PRKCZ: variants seen among roughly 807,000 people sequenced by gnomAD.
PRKCZ encodes protein kinase C zeta type.
In PRKCZ, 33 loss-of-function variants were observed where a neutral mutation model predicts 79.5. The ratio of observed to expected loss-of-function variants is 0.41; its 90% CI spans 0.31 to 0.55. The LOEUF (loss-of-function observed/expected upper bound fraction) is 0.55, where lower values mean the gene tolerates loss of function less well. PRKCZ is among the 20% of genes least tolerant of loss of function. The pLI, the probability that PRKCZ is intolerant of heterozygous loss-of-function variation, is 0.19. For missense variants in PRKCZ, 578 were observed against 813.5 expected (o/e 0.71, Z 3.52); for synonymous variants, 342 against 320.9 (o/e 1.07, Z -0.70).
intron 7 of PRKCZ, among the ~76,000 whole-genome samples, chr1:2,147,920 A>G: frequency 6.7e-6 from 1 of 150,066 alleles, no homozygotes. Context: ...TCTGTTGTCC[A>G]CTGACCTCTC....
chr1:2,119,773 T>C (rs1671475396), intron 4 of PRKCZ, among the ~76,000 whole-genome samples: 1 of 147,412 alleles, frequency 6.8e-6, no homozygotes, highest in African/African-American at 2.6e-5. Flanking sequence ...TTAATTCTTT[T>C]TATTTCTTTT....
intron 11 of PRKCZ, among the ~76,000 whole-genome samples, chr1:2,170,222 A>G (rs1469203585): frequency 6.6e-6 from 1 of 151,910 alleles, no homozygotes; most frequent in Non-Finnish European, 1.5e-5. Context: ...TTCATCTCTG[A>G]TATCTTCGGG....
rs1052588341 is a variant in PRKCZ at position 2,128,965 on chromosome 1, G to A, written c.335-6297G>A. Among the ~76,000 whole-genome samples the A allele has an allele frequency of 3.9e-5, 6 of 152,036 alleles. No homozygotes were observed. Among genetic ancestry groups the A allele is most frequent in the African/African-American group, 1.2e-4 (5 of 41,412 alleles). On this transcript the variant is annotated intron_variant, in intron 4 of 17. Transcript: ENST00000378567. The surrounding 1 kb of genome is among the most constrained non-coding windows in gnomAD (Gnocchi z 6.5). ...AGGGCTCCCTTCTCCTTTTCACAGC[G>A]CTGTCTGTCGCTTAGGTCAGAAATA...
rs1291343347 is a variant in PRKCZ, at chr1:2,127,422, G to A, written c.335-7840G>A. 2.5e-5 allele frequency among the ~76,000 whole-genome samples: 3 copies of A among 121,056 alleles called. No homozygotes were observed. Among genetic ancestry groups the A allele is most frequent in the Admixed American group, 8.6e-5 (1 of 11,652 alleles). 79.4% of individuals were successfully genotyped at this position (121,056 alleles called of 152,430 possible). On this transcript the variant is annotated intron_variant, in intron 4 of 17. Coordinates refer to ENST00000378567, the MANE Select transcript of PRKCZ (RefSeq NM_002744.6). This position sits in a 1 kb window ranked among gnomAD's most constrained non-coding sequence, Gnocchi z 5.1. ...CCCCCCACCGCCGCCCCTGCCCCAC[G>A]GCCACCCCAGATCCTCAGACGCCCC...
Position 2,149,562 on chromosome 1 carries a change from TAGAA to T in PRKCZ, c.687+641_687+644del, listed in dbSNP as rs1364120845. On this transcript the variant is annotated intron_variant, in intron 8 of 17. Coordinates refer to ENST00000378567, the MANE Select transcript of PRKCZ (RefSeq NM_002744.6). The surrounding 1 kb of genome is among the most constrained non-coding windows in gnomAD (Gnocchi z 4.1). ...GTGTCTGGAGGGAGGCCGGGGCACTTAGAAAGCAGAATCTGAGGCTGAGCACGGC... is the reference window on the plus strand; with the variant it reads ...GTGTCTGGAGGGAGGCCGGGGCACTTAGCAGAATCTGAGGCTGAGCACGGC... 1.3e-5 allele frequency among the ~76,000 whole-genome samples: 2 copies of T among 152,146 alleles called. No individual in the cohort carries two copies. Among genetic ancestry groups the T allele is most frequent in the Admixed American group, 6.5e-5 (1 of 15,276 alleles).
At chr1:2,117,508 G>A (rs548662182) in intron 4 of PRKCZ, among the ~76,000 whole-genome samples, 50 of 152,168 alleles carry the variant, frequency 3.3e-4, no homozygotes, top group African/African-American at 1.2e-3. Flanking sequence ...GTCAGTGACC[G>A]GCTGTTTGTT....
chr1:2,178,576 G>C lies in PRKCZ; in HGVS notation c.1575+3263G>C, dbSNP rs570894144. Among the ~76,000 whole-genome samples the C allele has an allele frequency of 6.6e-6, 1 of 152,318 alleles. No individual in the cohort carries two copies. The highest frequency in any genetic ancestry group is 2.4e-5 in the African/African-American group (1 of 41,566). On this transcript the variant is annotated intron_variant, in intron 16 of 17. Coordinates refer to ENST00000378567, the MANE Select transcript of PRKCZ (RefSeq NM_002744.6). This position sits in a 1 kb window ranked among gnomAD's most constrained non-coding sequence, Gnocchi z 4.3. Reference sequence around the variant, plus strand: ...GGGTGGACACGTGTTTATTTCTCTTGGGCACGTGCTCAGGGCGCAGTTGCA... The same window carrying C: ...GGGTGGACACGTGTTTATTTCTCTTCGGCACGTGCTCAGGGCGCAGTTGCA...
chr1:2,166,485 T>G (rs1683342142), intron 10 of PRKCZ, among the ~76,000 whole-genome samples: 1 of 152,190 alleles, frequency 6.6e-6, no homozygotes, highest in Non-Finnish European at 1.5e-5. Flanking sequence ...GGGCTCTGCT[T>G]GCTCCTCTCC....
chr1:2,055,748 G>C, intron 2 of PRKCZ, 186 bp downstream of exon 2: 1 of 859,008 alleles, frequency 1.2e-6, no homozygotes, highest in Non-Finnish European at 1.7e-6. Context: ...TGCTTATCAA[G>C]GACCTGGGCC....
chr1:2,167,405 G>C (rs768448000), intron 10 of PRKCZ, among the ~76,000 whole-genome samples: 1 of 152,118 alleles, frequency 6.6e-6, no homozygotes, highest in Non-Finnish European at 1.5e-5. Flanking sequence ...CCCGTCCTAT[G>C]GGCCGTGATA....
intron 10 of PRKCZ, among the ~76,000 whole-genome samples, chr1:2,164,949 A>G (rs1683044063): frequency 6.6e-6 from 1 of 152,118 alleles, no homozygotes; most frequent in Non-Finnish European, 1.5e-5. Context: ...TGGCTCCAGG[A>G]AGGTGAGGGG....
chr1:2,076,522 A>C (rs1415189114), intron 4 of PRKCZ, among the ~76,000 whole-genome samples: 2 of 152,142 alleles, frequency 1.3e-5, no homozygotes, highest in Non-Finnish European at 2.9e-5. Context: ...GTGGGGGATC[A>C]CCTGAGGTCA....
chr1:2,140,678 G>A (rs1442291035), intron 5 of PRKCZ, among the ~76,000 whole-genome samples: 1 of 150,856 alleles, frequency 6.6e-6, no homozygotes, highest in Admixed American at 6.6e-5. Flanking sequence ...AAGAAAATGT[G>A]AGCAGGGAGG....
intron 4 of PRKCZ, among the ~76,000 whole-genome samples, chr1:2,117,408 G>A (rs557724096): frequency 5.9e-5 from 9 of 151,640 alleles, no homozygotes; most frequent in African/African-American, 2.2e-4. Context: ...AATGTGTAAA[G>A]AAGTGTGATT....
chr1:2,115,771 C>CA (rs1274964769), intron 4 of PRKCZ, among the ~76,000 whole-genome samples: 1 of 152,240 alleles, frequency 6.6e-6, no homozygotes, highest in Non-Finnish European at 1.5e-5. Flanking sequence ...GGAGGAGCTG[C>CA]ACGGGAGGCT....
chr1:2,098,417 G>T (rs1666903080), intron 4 of PRKCZ: 1 of 152,244 alleles, frequency 6.6e-6, no homozygotes, highest in African/African-American at 2.4e-5. Flanking sequence ...TTCGGCAGCT[G>T]TGCTTCAGCC....
At chr1:2,107,454 G>A (rs908744) in intron 4 of PRKCZ, among the ~76,000 whole-genome samples, 77,627 of 152,120 alleles carry the variant, frequency 0.51, 21,263 homozygotes, top group Middle Eastern at 0.62. Flanking sequence ...GCATGTGGGG[G>A]CTCCGTCCCA....
intron 10 of PRKCZ, among the ~76,000 whole-genome samples, chr1:2,157,114 A>G (rs1681211962): frequency 6.6e-6 from 1 of 152,182 alleles, no homozygotes; most frequent in South Asian, 2.1e-4. Context: ...GCTAGGAGCA[A>G]GGGGGCCAGA....
intron 4 of PRKCZ, among the ~76,000 whole-genome samples, chr1:2,068,006 A>G (rs1266050161): frequency 6.6e-6 from 1 of 152,190 alleles, no homozygotes; most frequent in Non-Finnish European, 1.5e-5. Context: ...TCACAGCCCG[A>G]AATGCAGCAG....
Sources: allele counts gnomAD v4.1 joint callset (sites outside exome capture counted in the v4.1 genomes callset), GRCh38; gene constraint gnomAD v4.1.1; non-coding constraint Gnocchi (gnomAD v3.1); transcripts MANE v1.5; gene names NCBI Gene and HGNC (gene_info 2026-07-23, HGNC 2026-07-21).